The following BFSP2 variants were observed in gnomAD, a reference collection of about 807,000 sequenced individuals.
The protein encoded by BFSP2 is phakinin.
In BFSP2, 38 loss-of-function variants were observed where a neutral mutation model predicts 44.9. The ratio of observed to expected loss-of-function variants is 0.85; its 90% CI spans 0.65 to 1.11. The LOEUF (loss-of-function observed/expected upper bound fraction) is 1.11. Among genes scored for constraint, BFSP2 ranks in the 50% least tolerant of loss-of-function variants. BFSP2 has a pLI of 0.00. For synonymous variants in BFSP2, 197 were observed against 209.9 expected (o/e 0.94, Z 0.53); for missense variants, 525 against 533.0 (o/e 0.99, Z 0.15).
chr3:133,453,144 C>A (rs1245759850), intron 4 of BFSP2, among the ~76,000 whole-genome samples: 1 of 152,216 alleles, frequency 6.6e-6, no homozygotes, highest in Admixed American at 6.5e-5. Context: ...TTCCTCTGAT[C>A]ATCAACAGAG....
intron 6 of BFSP2, among the ~76,000 whole-genome samples, chr3:133,474,625 C>A (rs1460030991): frequency 1.3e-5 from 2 of 152,186 alleles, no homozygotes; most frequent in African/African-American, 4.8e-5. Context: ...ACAGCAAGAG[C>A]AGTGAGTTAG....
chr3:133,468,321 G>A lies in BFSP2; in HGVS notation c.1023+1362G>A, dbSNP rs370803034. Among the ~76,000 whole-genome samples the A allele has an allele frequency of 2.5e-4, 38 of 152,286 alleles. No individual in the cohort carries two copies. The East Asian group carries it at 5.8e-3, about 23-fold the overall frequency. ...CACTCACTAGCTATGTGAATGAACAGCTTTCATTTTCTCACTTGTAAAGTG... is the reference window on the plus strand; with the variant it reads ...CACTCACTAGCTATGTGAATGAACAACTTTCATTTTCTCACTTGTAAAGTG... On this transcript the variant is annotated intron_variant, in intron 5 of 6. Transcript: ENST00000302334.
At chr3:133,430,063 T>C (rs55916276) in intron 1 of BFSP2, among the ~76,000 whole-genome samples, 8,241 of 151,350 alleles carry the variant, frequency 0.054, 238 homozygotes, top group African/African-American at 0.07. Flanking sequence ...GTTTCATCCA[T>C]GTCCCTACAA....
At chr3:133,433,672 C>G (rs575445070) in intron 1 of BFSP2, among the ~76,000 whole-genome samples, 2 of 152,326 alleles carry the variant, frequency 1.3e-5, no homozygotes, top group African/African-American at 4.8e-5. Flanking sequence ...CTTCCCACCT[C>G]TATACATTCT....
chr3:133,448,393 T>C lies in BFSP2; in HGVS notation c.573-96T>C. 1.4e-6 allele frequency: 2 copies of C among 1,433,818 alleles called. 1 individual carries two copies. Among genetic ancestry groups the C allele is most frequent in the South Asian group, 2.4e-5 (2 of 84,772 alleles). The allele number at this position is 1,433,818 out of a possible 1,614,324, so 88.8% of individuals were successfully genotyped here. The stretch of plus-strand genomic sequence containing the variant: ...ACAGTGACTTTTACCATTCATTGTC[T>C]AACTATCACATAATTGGCCTGTTGG... On this transcript the variant is annotated intron_variant, in intron 2 of 6. Transcript: ENST00000302334.
At chr3:133,406,728 C>T (rs1030019892) in intron 1 of BFSP2, among the ~76,000 whole-genome samples, 1 of 151,778 alleles carries the variant, frequency 6.6e-6, no homozygotes, top group Non-Finnish European at 1.5e-5. Flanking sequence ...AAAAGATGCC[C>T]GCTCTCTCTC....
At chr3:133,411,966 A>C (rs1464721223) in intron 1 of BFSP2, among the ~76,000 whole-genome samples, 1 of 152,258 alleles carries the variant, frequency 6.6e-6, no homozygotes, top group Non-Finnish European at 1.5e-5. Flanking sequence ...TAGACACGAG[A>C]AAAGATAAAC....
intron 1 of BFSP2, among the ~76,000 whole-genome samples, chr3:133,440,784 C>T (rs1474517340): frequency 6.6e-6 from 1 of 152,174 alleles, no homozygotes; most frequent in Non-Finnish European, 1.5e-5. Flanking sequence ...TCACTGCATG[C>T]TCATCTGGCC....
At chr3:133,458,206 G>A (rs117201524) in intron 4 of BFSP2, among the ~76,000 whole-genome samples, 1 of 152,318 alleles carries the variant, frequency 6.6e-6, no homozygotes, top group East Asian at 1.9e-4. Context: ...TTGCTTTTGT[G>A]TGTACTAGCA....
At chr3:133,428,307 A>T (rs916498619) in intron 1 of BFSP2, among the ~76,000 whole-genome samples, 5 of 149,966 alleles carry the variant, frequency 3.3e-5, no homozygotes, top group Admixed American at 3.3e-4. Flanking sequence ...CAAGGGAGCC[A>T]CCTCAGGGCT....
Position 133,448,365 on chromosome 3 carries a change from GA to G in BFSP2, c.573-121del. ...CACTAACAGTGCCCTCAAATCTATTGAAACAGTGACTTTTACCATTCATTGT... is the reference window on the plus strand; with the variant it reads ...CACTAACAGTGCCCTCAAATCTATTGAACAGTGACTTTTACCATTCATTGT... On this transcript the variant is annotated intron_variant, in intron 2 of 6. Transcript: ENST00000302334. 2.4e-6 allele frequency: 3 copies of G among 1,245,520 alleles called. No individual in the cohort carries two copies. In the Admixed American group the frequency reaches 5.8e-5, roughly 24 times the overall value. The allele number at this position is 1,245,520 out of a possible 1,614,324, so 77.2% of individuals were successfully genotyped here. A position where few individuals can be genotyped will look rare whatever the true frequency, so the allele number is the denominator to read the frequency against.
intron 1 of BFSP2, among the ~76,000 whole-genome samples, chr3:133,420,628 A>G (rs11719671): frequency 0.71 from 107,697 of 152,052 alleles, 40,689 homozygotes; most frequent in Middle Eastern, 0.91. Flanking sequence ...TTCCTTCCTT[A>G]CAGCAAGCAG....
chr3:133,456,057 T>C (rs2074010128), intron 4 of BFSP2, among the ~76,000 whole-genome samples: 1 of 152,172 alleles, frequency 6.6e-6, no homozygotes, highest in Non-Finnish European at 1.5e-5. Context: ...GCTTAATCAA[T>C]CACCAGCACA....
At chr3:133,431,499 C>T (rs887852830) in intron 1 of BFSP2, among the ~76,000 whole-genome samples, 41 of 152,244 alleles carry the variant, frequency 2.7e-4, no homozygotes, top group Admixed American at 5.9e-4. Context: ...CACTGGAAAT[C>T]GGACTGTTCA....
Position 133,400,358 on chromosome 3 carries a change from G to A in BFSP2, c.275G>A (p.Gly92Asp). Residue 92 changes from glycine to aspartate, a missense_variant, in exon 1 of 7, where the codon GGC (glycine) becomes GAC (aspartate). Gly to Asp is a moderately conservative substitution (Grantham distance 94). Coordinates refer to ENST00000302334, the MANE Select transcript of BFSP2 (RefSeq NM_003571.4). The surrounding 1 kb of genome is among the most constrained non-coding windows in gnomAD (Gnocchi z 4.0). ...SVFLQGLRSS[G>D]LATVPAPGLE... The stretch of plus-strand genomic sequence containing the variant: ...TTCCTTCAGGGCCTGCGGAGCTCAG[G>A]CCTGGCCACCGTGCCGGCTCCAGGT... The A allele has an allele frequency of 5.0e-6, 8 of 1,614,066 alleles. No homozygotes were observed. The highest frequency in any genetic ancestry group is 6.8e-6 in the Non-Finnish European group (8 of 1,180,044).
At chr3:133,428,431 A>G (rs1871357) in intron 1 of BFSP2, among the ~76,000 whole-genome samples, 126,423 of 151,108 alleles carry the variant, frequency 0.84, 53,112 homozygotes, top group Middle Eastern at 0.94. Flanking sequence ...CACAGGGCCC[A>G]GCTGTGGGGA....
intron 1 of BFSP2, among the ~76,000 whole-genome samples, chr3:133,427,044 G>A (rs781684175): frequency 2.0e-4 from 31 of 152,274 alleles, no homozygotes; most frequent in African/African-American, 5.3e-4. Context: ...ATTCAAGTGA[G>A]GAAGTTTCCA....
intron 1 of BFSP2, among the ~76,000 whole-genome samples, chr3:133,420,089 A>G (rs1425228527): frequency 3.3e-5 from 5 of 152,230 alleles, no homozygotes; most frequent in Non-Finnish European, 5.9e-5. Flanking sequence ...GCTCTGTTAA[A>G]TCCCACCAGC....
chr3:133,438,043 G>A (rs765847298), intron 1 of BFSP2, among the ~76,000 whole-genome samples: 1 of 152,190 alleles, frequency 6.6e-6, no homozygotes, highest in Non-Finnish European at 1.5e-5. Context: ...GTGAGTATGA[G>A]GAGGAAACTG....
Sources: allele counts gnomAD v4.1 joint callset (sites outside exome capture counted in the v4.1 genomes callset), GRCh38; gene constraint gnomAD v4.1.1; non-coding constraint Gnocchi (gnomAD v3.1); transcripts MANE v1.5; gene names NCBI Gene and HGNC (gene_info 2026-07-23, HGNC 2026-07-21).